PABPC4L: variants seen among roughly 807,000 people sequenced by gnomAD.
The protein encoded by PABPC4L is polyadenylate-binding protein 4-like.
For synonymous variants in PABPC4L, 169 were observed against 164.1 expected (o/e 1.03, Z -0.23); for missense variants, 452 against 451.4 (o/e 1.00, Z -0.01).
At chr4:134,155,270 T>C in the PABPC4L span, among the ~76,000 whole-genome samples, 1 of 152,088 alleles carries the variant, frequency 6.6e-6, no homozygotes, top group African/African-American at 2.4e-5. Flanking sequence ...AGACTTCTTA[T>C]TCAAGTCATT....
chr4:134,023,244 C>G, the PABPC4L span, among the ~76,000 whole-genome samples: 19 of 152,130 alleles, frequency 1.2e-4, no homozygotes, highest in African/African-American at 3.6e-4. Context: ...CTGCTCTATG[C>G]TAAGATCCAA....
chr4:134,043,238 A>G, the PABPC4L span, among the ~76,000 whole-genome samples: 2 of 152,298 alleles, frequency 1.3e-5, no homozygotes, highest in African/African-American at 4.8e-5. Flanking sequence ...AACCACAGGA[A>G]GAATTGATGC....
the PABPC4L span, among the ~76,000 whole-genome samples, chr4:134,052,714 A>G: frequency 2.6e-5 from 4 of 152,084 alleles, no homozygotes; most frequent in East Asian, 3.9e-4. Context: ...AAAAATGACA[A>G]GAAACACCTA....
the PABPC4L span, among the ~76,000 whole-genome samples, chr4:133,986,807 C>T: frequency 9.2e-5 from 14 of 151,700 alleles, no homozygotes; most frequent in African/African-American, 3.4e-4. Flanking sequence ...ACGATCTCAG[C>T]TCACTGCAAC....
the PABPC4L span, among the ~76,000 whole-genome samples, chr4:134,126,085 A>G: frequency 6.6e-6 from 1 of 152,188 alleles, no homozygotes; most frequent in Admixed American, 6.5e-5. Flanking sequence ...GTAAATTGAT[A>G]ACATTACCAT....
At chr4:134,167,704 A>G in the PABPC4L span, among the ~76,000 whole-genome samples, 1 of 151,804 alleles carries the variant, frequency 6.6e-6, no homozygotes, top group African/African-American at 2.4e-5. Context: ...AAATAATTAT[A>G]TAATAATAAA....
At chr4:133,994,038 A>G in the PABPC4L span, among the ~76,000 whole-genome samples, 1 of 152,174 alleles carries the variant, frequency 6.6e-6, no homozygotes, top group African/African-American at 2.4e-5. Flanking sequence ...CAGCTCTTTG[A>G]GTGCTAGTAA....
the PABPC4L span, among the ~76,000 whole-genome samples, chr4:133,963,399 C>G: frequency 6.6e-6 from 1 of 152,142 alleles, no homozygotes; most frequent in African/African-American, 2.4e-5. Flanking sequence ...CAGTGGAAAA[C>G]TTCAGTATTC....
At chr4:134,076,933 C>T in the PABPC4L span, among the ~76,000 whole-genome samples, 1 of 152,052 alleles carries the variant, frequency 6.6e-6, no homozygotes, top group Non-Finnish European at 1.5e-5. Context: ...CCTGTCATAG[C>T]AATATATCTC....
the PABPC4L span, among the ~76,000 whole-genome samples, chr4:134,168,249 C>A: frequency 6.6e-6 from 1 of 151,658 alleles, no homozygotes; most frequent in Non-Finnish European, 1.5e-5. Context: ...ACACAGCATG[C>A]CCAAATCTAT....
At position 134,196,807 on chromosome 4, in the gene PABPC4L, T is replaced by G. The variant is rs1188390721; in HGVS notation, c.*3100A>C. The G allele has an allele frequency of 9.7e-6, 1 of 103,430 alleles. No homozygotes were observed. Among genetic ancestry groups the G allele is most frequent in the Non-Finnish European group, 1.8e-5 (1 of 54,364 alleles). The allele number at this position is 103,430 out of a possible 1,614,324, so 6.4% of individuals were successfully genotyped here. Reference sequence around the variant, plus strand: ...CATAGGATTGTATATTTTTGTAAACTGACTGTCTTTTTTTTTTTTACAGCA... The same window carrying G: ...CATAGGATTGTATATTTTTGTAAACGGACTGTCTTTTTTTTTTTTACAGCA... On this transcript the variant is annotated 3_prime_UTR_variant, in exon 2 of 2. Coordinates refer to ENST00000421491, the MANE Select transcript of PABPC4L (RefSeq NM_001114734.2).
the PABPC4L span, among the ~76,000 whole-genome samples, chr4:133,977,072 T>A: frequency 6.6e-6 from 1 of 152,154 alleles, no homozygotes; most frequent in Non-Finnish European, 1.5e-5. Context: ...ATTTAATCCA[T>A]CTTGAGTTAA....
At chr4:134,048,827 A>G in the PABPC4L span, among the ~76,000 whole-genome samples, 1 of 152,122 alleles carries the variant, frequency 6.6e-6, no homozygotes, top group East Asian at 1.9e-4. Flanking sequence ...AATAATAACT[A>G]TTGCACAGGG....
chr4:134,042,642 G>A, the PABPC4L span, among the ~76,000 whole-genome samples: 11 of 152,136 alleles, frequency 7.2e-5, no homozygotes, highest in Non-Finnish European at 2.9e-5. Context: ...AACTTGGGTC[G>A]AGCTGGCCTA....
chr4:134,173,678 T>C, the PABPC4L span, among the ~76,000 whole-genome samples: 16 of 152,184 alleles, frequency 1.1e-4, no homozygotes, highest in African/African-American at 3.8e-4. Flanking sequence ...AACAATTTAT[T>C]GTACATTTCA....
At chr4:134,094,335 C>A in the PABPC4L span, among the ~76,000 whole-genome samples, 1 of 151,906 alleles carries the variant, frequency 6.6e-6, no homozygotes, top group Non-Finnish European at 1.5e-5. Context: ...ATAAAACATA[C>A]AGACCCTAAC....
At chr4:133,992,877 A>G in the PABPC4L span, among the ~76,000 whole-genome samples, 1 of 152,086 alleles carries the variant, frequency 6.6e-6, no homozygotes, top group Non-Finnish European at 1.5e-5. Context: ...GGCTTGTGTC[A>G]TCTGAGGAAG....
At chr4:134,027,820 T>C in the PABPC4L span, among the ~76,000 whole-genome samples, 3 of 152,176 alleles carry the variant, frequency 2.0e-5, no homozygotes, top group Non-Finnish European at 4.4e-5. Flanking sequence ...CCACATTGAA[T>C]GTCCTCTTCA....
chr4:134,170,915 T>A, the PABPC4L span, among the ~76,000 whole-genome samples: 1 of 152,202 alleles, frequency 6.6e-6, no homozygotes, highest in African/African-American at 2.4e-5. Flanking sequence ...ACCACACTGC[T>A]TTCCCCAATT....
Sources: allele counts gnomAD v4.1 joint callset (sites outside exome capture counted in the v4.1 genomes callset), GRCh38; gene constraint gnomAD v4.1.1; transcripts MANE v1.5; gene names NCBI Gene and HGNC (gene_info 2026-07-23, HGNC 2026-07-21).